Variants in MYH7B observed in about 807,000 individuals in gnomAD.
The protein encoded by MYH7B is myosin heavy chain 7B, also known as myosin-7B.
In MYH7B, 205 loss-of-function variants were observed where a neutral mutation model predicts 234.5. That is an observed-to-expected ratio of 0.87 (90% confidence interval 0.78 to 0.98). MYH7B has a LOEUF of 0.98. MYH7B is among the 50% of genes least tolerant of loss of function. The probability of loss-of-function intolerance (pLI) is 0.00; values close to 1 mark genes in which losing one functional copy is unlikely to be tolerated. For missense variants in MYH7B, 2,652 were observed against 2,633.4 expected, an observed-to-expected ratio of 1.01 and a Z score of -0.15; for synonymous variants, 1,193 against 1,105.0, an observed-to-expected ratio of 1.08 and a Z score of -1.58.
chr20:34,994,022 G>T, intron 26 of MYH7B, 124 bp from the exon 27 acceptor site: 1 of 1,295,872 alleles, frequency 7.7e-7, no homozygotes, highest in Non-Finnish European at 1.1e-6. Context: ...CACCTATAAA[G>T]CAGAGCTATT....
At chr20:34,999,872 C>A (rs774844458) in exon 38 of MYH7B, 1 of 1,612,788 alleles carries the variant, frequency 6.2e-7, no homozygotes, top group Admixed American at 1.7e-5. Context: ...GGACCGGAAG[C>A]TGGCAGAGAA....
intron 32 of MYH7B, 36 bp from the exon 33 acceptor site, chr20:34,998,259 A>G (rs1569061023): frequency 3.1e-6 from 5 of 1,609,786 alleles, no homozygotes; most frequent in Non-Finnish European, 4.2e-6. Context: ...TCTGACATCT[A>G]ACTCCTGACC....
intron 2 of MYH7B, among the ~76,000 whole-genome samples, chr20:34,972,843 G>A (rs915402891): frequency 1.3e-5 from 2 of 152,104 alleles, no homozygotes; most frequent in African/African-American, 4.8e-5. Context: ...TATCAGCCTA[G>A]GCTGGTCTTG....
intron 30 of MYH7B, 69 bp downstream of exon 30, chr20:34,996,827 C>A (rs889804743): frequency 6.4e-7 from 1 of 1,555,764 alleles, no homozygotes; most frequent in African/African-American, 1.4e-5. Context: ...CTTCTGGATT[C>A]TTGTGGTTCC....
At chr20:34,966,520 A>G (rs915280606) in intron 2 of MYH7B, among the ~76,000 whole-genome samples, 1 of 152,084 alleles carries the variant, frequency 6.6e-6, no homozygotes, top group Non-Finnish European at 1.5e-5. Flanking sequence ...ACACCTTTTT[A>G]TTGTTAGAAC....
chr20:34,980,266 G>A, intron 7 of MYH7B: 1 of 346,710 alleles, frequency 2.9e-6, no homozygotes, highest in Non-Finnish European at 5.4e-6. Flanking sequence ...CTACCTATGG[G>A]GGGAGAATGT....
intron 22 of MYH7B, 130 bp downstream of exon 22, chr20:34,990,440 A>C: frequency 2.9e-6 from 3 of 1,017,532 alleles, no homozygotes; most frequent in Non-Finnish European, 4.7e-6. Context: ...ACTCCTCTCC[A>C]CGTGAACATC....
At chr20:34,990,194 C>A (rs768876994) in intron 21 of MYH7B, 40 bp from the exon 22 acceptor site, 1 of 1,614,100 alleles carries the variant, frequency 6.2e-7, no homozygotes, top group Non-Finnish European at 8.5e-7. Context: ...GCCCACAGAG[C>A]GACATTCCCT....
exon 43 of MYH7B, chr20:35,001,514 G>A (rs1191625896): frequency 6.2e-7 from 1 of 1,608,588 alleles, no homozygotes; most frequent in Non-Finnish European, 8.5e-7. Flanking sequence ...ACAAGCGCCA[G>A]TTTGAGGAGG....
In MYH7B at chr20:34,986,875, T is replaced by C; in HGVS notation, c.905-11T>C. 1.9e-6 allele frequency: 3 copies of C among 1,610,052 alleles called. No homozygotes were observed. Among genetic ancestry groups the C allele is most frequent in the Non-Finnish European group, 2.6e-6 (3 of 1,176,402 alleles). On this transcript the variant is annotated splice_polypyrimidine_tract_variant and intron_variant, in intron 14 of 44. Transcript: ENST00000262873. ...CTGCCTGACCCTCCCTTCTCTGCCC[T>C]GTGTCCCCAGACATGCTGCTTCTGT...
rs1384319059 is a variant in MYH7B at position 34,998,517 on chromosome 20, T to C, written c.3881T>C (p.Leu1294Pro). ...CTCGCCTCTTTGCCTGCAGGGGAGC[T>C]GAGTCGCCTGCTAGAGGAGAAGGAG... The change falls in exon 34 of 45, where the codon CTG (leucine) becomes CCG (proline). Residue 1294 changes from leucine (L) to proline (P), a missense_variant. By Grantham distance (98) the Leu-to-Pro change is moderately conservative (BLOSUM62 -3). This residue lies in a region of MYH7B where 2,279 missense variants were observed against 2,211.4 expected (regional missense o/e 1.03). Coordinates refer to ENST00000262873, the Ensembl canonical transcript of MYH7B. The C allele has an allele frequency of 5.6e-6, 9 of 1,613,298 alleles. No individual in the cohort carries two copies. The highest frequency in any genetic ancestry group is 1.7e-5 in the Admixed American group (1 of 60,006).
intron 10 of MYH7B, among the ~76,000 whole-genome samples, chr20:34,983,847 A>G (rs532338394): frequency 6.6e-6 from 1 of 152,332 alleles, no homozygotes; most frequent in South Asian, 2.1e-4. Context: ...GTGGTGGTAT[A>G]TCTGTTCCCT....
chr20:34,971,125 G>A (rs1411834468), intron 2 of MYH7B, among the ~76,000 whole-genome samples: 1 of 152,158 alleles, frequency 6.6e-6, no homozygotes, highest in African/African-American at 2.4e-5. Flanking sequence ...AAGGTCTTCC[G>A]AAGTGAGAGG....
chr20:34,959,346 G>A (rs2081670009), intron 2 of MYH7B, among the ~76,000 whole-genome samples: 1 of 152,208 alleles, frequency 6.6e-6, no homozygotes, highest in Non-Finnish European at 1.5e-5. Flanking sequence ...GGAACCTGCT[G>A]AAGATTCCGG....
chr20:34,994,010 C>G (rs1247527283), intron 26 of MYH7B, 136 bp from the exon 27 acceptor site: 1 of 1,197,306 alleles, frequency 8.4e-7, no homozygotes, highest in Admixed American at 2.2e-5. Flanking sequence ...TCCCCTCACC[C>G]TCACCTATAA....
At chr20:34,962,644 T>C (rs2081708224) in intron 2 of MYH7B, among the ~76,000 whole-genome samples, 1 of 152,196 alleles carries the variant, frequency 6.6e-6, no homozygotes, top group Non-Finnish European at 1.5e-5. Flanking sequence ...TATTTTTATT[T>C]ATTTTGAGAC....
intron 32 of MYH7B, 129 bp downstream of exon 32, chr20:34,997,769 C>A: frequency 8.8e-7 from 1 of 1,142,472 alleles, no homozygotes; most frequent in Non-Finnish European, 1.2e-6. Flanking sequence ...TCACCTGGTA[C>A]ACAACCCTCA....
At position 34,979,438 on chromosome 20, in the gene MYH7B, C is replaced by G. The variant is rs779473720; in HGVS notation, c.140C>G (p.Ala47Gly). 7.4e-6 allele frequency: 12 copies of G among 1,613,838 alleles called. No homozygotes were observed. Among genetic ancestry groups the G allele is most frequent in the Middle Eastern group, 3.3e-4 (2 of 6,082 alleles). Residue 47 changes from alanine (A) to glycine (G), a missense_variant, in exon 6 of 45, where the codon GCC (alanine) becomes GGC (glycine). Ala to Gly is a moderately conservative substitution (Grantham distance 60, BLOSUM62 0). This residue lies in a region of MYH7B where 366 missense variants were observed against 401.2 expected (regional missense o/e 0.91). Coordinates refer to ENST00000262873, the Ensembl canonical transcript of MYH7B. ...GATGAACAGGACGCCTACGTGGAGG[C>G]CGAGGTCAAGTCGGAGGCTACCGGG...
chr20:34,957,108 G>C (rs184351932), intron 1 of MYH7B, among the ~76,000 whole-genome samples: 2 of 152,294 alleles, frequency 1.3e-5, no homozygotes, highest in Admixed American at 6.5e-5. Flanking sequence ...TGCTCGGCTT[G>C]TTTTACAGAC....
Sources: gnomAD v4.1 joint callset for allele counts (sites outside exome capture counted in the v4.1 genomes callset) on GRCh38, gnomAD v4.1.1 for gene constraint, gnomAD v4.1.1 regional missense constraint, MANE v1.5 for transcripts, NCBI Gene and HGNC (gene_info 2026-07-23, HGNC 2026-07-21) for gene names.